ZC2HC1A: variants seen among roughly 807,000 people sequenced by gnomAD.
ZC2HC1A encodes the protein zinc finger C2HC domain-containing protein 1A.
In ZC2HC1A, 28 loss-of-function variants were observed where a neutral mutation model predicts 40.7. The observed-to-expected ratio is 0.69, with a 90% CI of 0.51 to 0.94. The LOEUF is 0.94. Among genes scored for constraint, ZC2HC1A ranks in the 40% least tolerant of loss-of-function variants. ZC2HC1A has a pLI of 0.00. For missense variants in ZC2HC1A, 389 were observed against 386.3 expected, an observed-to-expected ratio of 1.01 and a Z score of -0.06; for synonymous variants, 129 against 129.2, an observed-to-expected ratio of 1.00 and a Z score of 0.01.
At chr8:78,708,200 C>T (rs986429760) in intron 7 of ZC2HC1A, among the ~76,000 whole-genome samples, 3 of 152,104 alleles carry the variant, frequency 2.0e-5, no homozygotes, top group Admixed American at 1.3e-4. Flanking sequence ...ATTGAGCATT[C>T]GCTGAGATTA....
At chr8:78,673,053 T>G (rs1311905853) in intron 1 of ZC2HC1A, among the ~76,000 whole-genome samples, 5 of 152,058 alleles carry the variant, frequency 3.3e-5, no homozygotes. Flanking sequence ...GTCTTAATGC[T>G]CTCCCTCCTT....
chr8:78,691,480 G>A (rs1369011820), intron 5 of ZC2HC1A, among the ~76,000 whole-genome samples: 2 of 151,850 alleles, frequency 1.3e-5, no homozygotes, highest in East Asian at 3.9e-4. Flanking sequence ...ATGTGTTTTT[G>A]CATTGCTATA....
chr8:78,668,491 TG>T, intron 1 of ZC2HC1A, among the ~76,000 whole-genome samples: 1 of 152,150 alleles, frequency 6.6e-6, no homozygotes, highest in Non-Finnish European at 1.5e-5. Context: ...AGAAAATATA[TG>T]GACTCTTGAA....
chr8:78,691,770 C>G (rs1810220468), intron 5 of ZC2HC1A, among the ~76,000 whole-genome samples: 1 of 152,026 alleles, frequency 6.6e-6, no homozygotes, highest in South Asian at 2.1e-4. Flanking sequence ...TTACCCATAT[C>G]TATGGATATT....
chr8:78,684,475 A>G (rs1458185622), intron 3 of ZC2HC1A, among the ~76,000 whole-genome samples: 1 of 152,136 alleles, frequency 6.6e-6, no homozygotes, highest in Admixed American at 6.5e-5. Flanking sequence ...CCTACCGAGT[A>G]CCCCCATAAC....
chr8:78,696,783 C>T (rs1255750256), intron 5 of ZC2HC1A, among the ~76,000 whole-genome samples: 3 of 152,070 alleles, frequency 2.0e-5, no homozygotes, highest in Non-Finnish European at 2.9e-5. Context: ...GGTCCTAGGT[C>T]ATCTTACGGT....
intron 1 of ZC2HC1A, among the ~76,000 whole-genome samples, chr8:78,669,885 A>G (rs1172647660): frequency 6.6e-6 from 1 of 151,964 alleles, no homozygotes; most frequent in Admixed American, 6.6e-5. Context: ...CCTACCTCCT[A>G]GAACAGTTTC....
chr8:78,670,257 G>A (rs751948185), intron 1 of ZC2HC1A, among the ~76,000 whole-genome samples: 22 of 152,036 alleles, frequency 1.4e-4, no homozygotes, highest in African/African-American at 2.9e-4. Context: ...GTGAGCCAAC[G>A]CACTCGGCGG....
intron 1 of ZC2HC1A, 187 bp from the exon 2 acceptor site, chr8:78,675,600 C>T (rs1417140423): frequency 9.6e-6 from 5 of 519,798 alleles, no homozygotes; most frequent in South Asian, 2.9e-5. Context: ...TTATCCTGAC[C>T]TTTTTCACCA....
chr8:78,690,808 G>A (rs1459552558), intron 5 of ZC2HC1A, among the ~76,000 whole-genome samples: 1 of 152,024 alleles, frequency 6.6e-6, no homozygotes, highest in Non-Finnish European at 1.5e-5. Flanking sequence ...TCATACACAT[G>A]TTTTGTTAGA....
chr8:78,694,261 A>G (rs1005862267), intron 5 of ZC2HC1A, among the ~76,000 whole-genome samples: 1 of 150,096 alleles, frequency 6.7e-6, no homozygotes, highest in East Asian at 2.0e-4. Flanking sequence ...AGCAATATCA[A>G]GTGACTTGTA....
Position 78,675,852 on chromosome 8 carries a change from C to T in ZC2HC1A, c.82C>T (p.Pro28Ser), listed in dbSNP as rs753704751. The change falls in exon 2 of 9, where the codon CCA becomes TCA. Residue 28 changes from proline (P) to serine (S), a missense_variant. Pro to Ser is a moderately conservative substitution (Grantham distance 74). Transcript: ENST00000263849. ...PCKICGRTFF[P>S]VALKKHGPIC... ...CAAGATTTGTGGAAGAACATTCTTT[C>T]CAGTAGCATTAGTGAGTAGACTGAT... is the stretch of plus-strand genomic sequence containing the variant. 1 of 1,610,792 alleles carries T rather than the reference C, an allele frequency of 6.2e-7. No homozygotes were observed. The highest frequency in any genetic ancestry group is 1.7e-5 in the Admixed American group (1 of 59,846).
intron 7 of ZC2HC1A, among the ~76,000 whole-genome samples, chr8:78,705,351 G>T (rs1441957509): frequency 6.6e-6 from 1 of 152,138 alleles, no homozygotes; most frequent in South Asian, 2.1e-4. Flanking sequence ...TGTATGCTGG[G>T]TGTCCACTCC....
At chr8:78,712,170 T>C in intron 7 of ZC2HC1A, 1 of 951,900 alleles carries the variant, frequency 1.1e-6, no homozygotes, top group Non-Finnish European at 1.4e-6. Flanking sequence ...CTTTATATAA[T>C]GGAATAACAT....
intron 4 of ZC2HC1A, among the ~76,000 whole-genome samples, chr8:78,686,951 CAT>C (rs1423703370): frequency 1.3e-5 from 2 of 152,038 alleles, no homozygotes; most frequent in Admixed American, 1.3e-4. Flanking sequence ...CAGCAGGAGT[CAT>C]ATAATTATGT....
At chr8:78,702,058 T>G (rs553565710) in intron 7 of ZC2HC1A, among the ~76,000 whole-genome samples, 1 of 152,288 alleles carries the variant, frequency 6.6e-6, no homozygotes, top group Admixed American at 6.5e-5. Context: ...GTACCAGTTC[T>G]TTGTGCATCT....
chr8:78,668,308 TA>T (rs1219346368), intron 1 of ZC2HC1A, among the ~76,000 whole-genome samples: 5 of 152,208 alleles, frequency 3.3e-5, no homozygotes, highest in African/African-American at 1.2e-4. Context: ...TATTGGAAGT[TA>T]AAGTCTAGTA....
chr8:78,678,571 T>C lies in ZC2HC1A; in HGVS notation c.102T>C (p.His34=), dbSNP rs746574726. The C allele has an allele frequency of 1.8e-5, 29 of 1,608,850 alleles. No individual in the cohort carries two copies. The highest frequency in any genetic ancestry group is 8.5e-5 in the Admixed American group (5 of 58,930). Residue 34 remains histidine (H), a synonymous_variant, in exon 3 of 9, where the codon CAT becomes CAC. Coordinates refer to ENST00000263849, the MANE Select transcript of ZC2HC1A (RefSeq NM_016010.3). The part of the protein sequence containing the change: ...RTFFPVALKK[H]GPICQKTATK... ...TTTCTTTATCTTAACAGAAAAAACA[T>C]GGACCCATTTGCCAGAAGACTGCAA...
intron 7 of ZC2HC1A, among the ~76,000 whole-genome samples, chr8:78,706,864 TATC>T (rs2130584884): frequency 6.6e-6 from 1 of 152,258 alleles, no homozygotes; most frequent in Non-Finnish European, 1.5e-5. Flanking sequence ...ATAATGTAAT[TATC>T]ATTATAGAAA....
Sources: allele counts gnomAD v4.1 joint callset (sites outside exome capture counted in the v4.1 genomes callset), GRCh38; gene constraint gnomAD v4.1.1; transcripts MANE v1.5; gene names NCBI Gene and HGNC (gene_info 2026-07-23, HGNC 2026-07-21).